Variants in FRMD5 observed in about 807,000 individuals in gnomAD.
FRMD5 encodes the protein FERM domain-containing protein 5.
FRMD5 carries 20 observed loss-of-function variants against 69.0 expected under a neutral mutation model. The observed-to-expected ratio is 0.29, with a 90% CI of 0.20 to 0.42. FRMD5 has a LOEUF of 0.42. Ranked by LOEUF, FRMD5 falls within the 10% of genes least tolerant of loss-of-function variation. FRMD5 has a pLI of 1.00. For missense variants in FRMD5, 595 were observed against 708.6 expected, an observed-to-expected ratio of 0.84 and a Z score of 1.82; for synonymous variants, 271 against 260.1, an observed-to-expected ratio of 1.04 and a Z score of -0.40.
At chr15:44,025,022 C>A (rs1891369352) in intron 1 of FRMD5, among the ~76,000 whole-genome samples, 1 of 152,166 alleles carries the variant, frequency 6.6e-6, no homozygotes. Flanking sequence ...TTTGGCCCAC[C>A]TAGCTCAAGC....
chr15:44,122,986 GATAA>G (rs1203324575), intron 1 of FRMD5, among the ~76,000 whole-genome samples: 1 of 152,160 alleles, frequency 6.6e-6, no homozygotes, highest in East Asian at 1.9e-4. Context: ...TGATGAGCCT[GATAA>G]ATACAGAAAA....
intron 7 of FRMD5, 125 bp from the exon 8 acceptor site, chr15:43,892,194 C>A: frequency 1.3e-6 from 1 of 788,932 alleles, no homozygotes; most frequent in Admixed American, 2.1e-5. Context: ...AAAAGCATAT[C>A]ATCTGGAATC....
In FRMD5 at chr15:43,881,773, G is replaced by A. The variant is rs150606597; in HGVS notation, c.1135+1930C>T. On this transcript the variant is annotated intron_variant, in intron 13 of 13. Coordinates refer to ENST00000417257, the MANE Select transcript of FRMD5 (RefSeq NM_032892.5). ...GTAACTTGATGGTGTTTGTCTAGCC[G>A]GGGTTCTCAACCTCTAGACCATAGG... Among the ~76,000 whole-genome samples the A allele has an allele frequency of 3.0e-3, 450 of 152,234 alleles. 4 individuals are homozygous for A. Among genetic ancestry groups the A allele is most frequent in the African/African-American group, 0.01 (424 of 41,532 alleles).
At chr15:44,182,014 CTT>C (rs11291925) in intron 1 of FRMD5, among the ~76,000 whole-genome samples, 12 of 142,170 alleles carry the variant, frequency 8.4e-5, no homozygotes, top group African/African-American at 1.1e-4. Flanking sequence ...TTTACATTTG[CTT>C]TTTTTTTTTT....
At chr15:43,935,546 T>C (rs2089745757) in intron 1 of FRMD5, among the ~76,000 whole-genome samples, 1 of 151,470 alleles carries the variant, frequency 6.6e-6, no homozygotes, top group African/African-American at 2.4e-5. Flanking sequence ...TAATGTGCAC[T>C]GGGGGTAGGG....
chr15:44,024,615 A>G (rs1891352536), intron 1 of FRMD5, among the ~76,000 whole-genome samples: 1 of 151,950 alleles, frequency 6.6e-6, no homozygotes, highest in Non-Finnish European at 1.5e-5. Context: ...ATTTCTTTTG[A>G]TCATTTCTTA....
At chr15:44,187,233 C>T in intron 1 of FRMD5, among the ~76,000 whole-genome samples, 1 of 152,084 alleles carries the variant, frequency 6.6e-6, no homozygotes, top group East Asian at 1.9e-4. Context: ...AATCTGAATC[C>T]ACCTTTTCTT....
chr15:44,163,810 C>G (rs923763225), intron 1 of FRMD5, among the ~76,000 whole-genome samples: 1 of 152,162 alleles, frequency 6.6e-6, no homozygotes, highest in Non-Finnish European at 1.5e-5. Flanking sequence ...TCTCTCTGTT[C>G]TAAGATTTTT....
At chr15:43,936,862 A>G (rs2089770245) in intron 1 of FRMD5, among the ~76,000 whole-genome samples, 1 of 151,966 alleles carries the variant, frequency 6.6e-6, no homozygotes, top group Non-Finnish European at 1.5e-5. Flanking sequence ...CTTCTTATAC[A>G]ACCAACACAG....
intron 1 of FRMD5, among the ~76,000 whole-genome samples, chr15:44,179,880 T>C (rs1026102999): frequency 2.0e-5 from 3 of 151,954 alleles, no homozygotes; most frequent in African/African-American, 7.2e-5. Context: ...CAGAGAGAAG[T>C]AAAACAACTG....
At chr15:44,104,367 T>A (rs1167593064) in intron 1 of FRMD5, among the ~76,000 whole-genome samples, 3 of 152,098 alleles carry the variant, frequency 2.0e-5, no homozygotes, top group East Asian at 1.9e-4. Flanking sequence ...AAGAAAAAAA[T>A]TTTTACATAA....
At chr15:43,878,158 A>G (rs2088417040) in intron 13 of FRMD5, among the ~76,000 whole-genome samples, 1 of 152,090 alleles carries the variant, frequency 6.6e-6, no homozygotes, top group Non-Finnish European at 1.5e-5. Flanking sequence ...ATGTGCCACC[A>G]CGCCTAGCTA....
intron 1 of FRMD5, among the ~76,000 whole-genome samples, chr15:44,095,210 T>TC (rs2076534256): frequency 1.3e-5 from 2 of 151,670 alleles, no homozygotes; most frequent in Non-Finnish European, 2.9e-5. Flanking sequence ...TTCTTTCTTT[T>TC]TTTTTTTTTT....
intron 1 of FRMD5, among the ~76,000 whole-genome samples, chr15:43,972,206 A>G (rs908094409): frequency 1.3e-5 from 2 of 151,878 alleles, no homozygotes; most frequent in Non-Finnish European, 1.5e-5. Context: ...GAGAGTTCAT[A>G]GAGCATGGAA....
At chr15:43,947,295 T>C (rs1424785177) in intron 1 of FRMD5, among the ~76,000 whole-genome samples, 6 of 152,222 alleles carry the variant, frequency 3.9e-5, no homozygotes, top group Admixed American at 6.5e-5. Context: ...GACTTCTTGG[T>C]AGATTACAAA....
At chr15:44,106,493 G>A (rs1175908903) in intron 1 of FRMD5, among the ~76,000 whole-genome samples, 1 of 152,046 alleles carries the variant, frequency 6.6e-6, no homozygotes, top group South Asian at 2.1e-4. Context: ...CTGCTGCTTC[G>A]TCTAGAAGGC....
At chr15:43,928,302 G>C (rs1413750867) in intron 1 of FRMD5, among the ~76,000 whole-genome samples, 1 of 152,156 alleles carries the variant, frequency 6.6e-6, no homozygotes, top group Non-Finnish European at 1.5e-5. Context: ...AGGCTGGGGT[G>C]GGGGTGAGGG....
intron 1 of FRMD5, among the ~76,000 whole-genome samples, chr15:44,049,422 A>G (rs1892563996): frequency 6.6e-6 from 1 of 152,206 alleles, no homozygotes; most frequent in African/African-American, 2.4e-5. Flanking sequence ...CCTAGTGAAT[A>G]AAGGGCTGGC....
chr15:43,990,200 G>T (rs894433355), intron 1 of FRMD5: 2 of 464,586 alleles, frequency 4.3e-6, no homozygotes, highest in African/African-American at 3.9e-5. Flanking sequence ...GCTGGCGGCG[G>T]GTGTGGACGG....
Sources: allele counts gnomAD v4.1 joint callset (sites outside exome capture counted in the v4.1 genomes callset), GRCh38; gene constraint gnomAD v4.1.1; transcripts MANE v1.5; gene names NCBI Gene and HGNC (gene_info 2026-07-23, HGNC 2026-07-21).